Variants in VCL observed in about 807,000 individuals in gnomAD.
VCL encodes the protein vinculin.
In VCL, 47 loss-of-function variants were observed where a neutral mutation model predicts 125.7. The ratio of observed to expected loss-of-function variants is 0.37; its 90% CI spans 0.30 to 0.48. VCL has a LOEUF of 0.48. Ranked by LOEUF, VCL falls within the 20% of genes least tolerant of loss-of-function variation. The pLI is 0.99. For synonymous variants in VCL, 458 were observed against 514.6 expected, an observed-to-expected ratio of 0.89 and a Z score of 1.49; for missense variants, 1,069 against 1,455.5, an observed-to-expected ratio of 0.73 and a Z score of 4.32.
Position 74,106,520 on chromosome 10 carries a change from G to A in VCL, c.2435-710G>A, listed in dbSNP as rs185312749. ...ACCATGGCAGATCATAATTGGAGCCGCTCCTTTGGTTGAAATCATCTGAAT... is the reference window on the plus strand; with the variant it reads ...ACCATGGCAGATCATAATTGGAGCCACTCCTTTGGTTGAAATCATCTGAAT... On this transcript the variant is annotated intron_variant, in intron 16 of 21. Transcript: ENST00000211998. 7.9e-5 allele frequency among the ~76,000 whole-genome samples: 12 copies of A among 152,258 alleles called. No homozygotes were observed. The South Asian group carries it at 1.2e-3, about 16-fold the overall frequency.
chr10:74,019,981 T>C (rs2136232850), intron 1 of VCL, among the ~76,000 whole-genome samples: 1 of 151,926 alleles, frequency 6.6e-6, no homozygotes, highest in Non-Finnish European at 1.5e-5. Context: ...GAGAATTGCT[T>C]GAACCCAGGA....
intron 5 of VCL, 82 bp downstream of exon 5, chr10:74,072,934 T>C (rs1184686580): frequency 1.0e-5 from 16 of 1,587,952 alleles, no homozygotes; most frequent in Non-Finnish European, 1.4e-5. Flanking sequence ...TGTTTTCTTT[T>C]GTTTTCTTTT....
chr10:74,020,994 C>T (rs1840654106), intron 1 of VCL, among the ~76,000 whole-genome samples: 1 of 152,040 alleles, frequency 6.6e-6, no homozygotes, highest in South Asian at 2.1e-4. Context: ...CTTTTTCTGA[C>T]CATAGTTTGT....
At chr10:74,117,929 G>T in intron 21 of VCL, 94 bp from the exon 22 acceptor site, 2 of 1,552,356 alleles carry the variant, frequency 1.3e-6, no homozygotes, top group Admixed American at 1.7e-5. Flanking sequence ...GGTACCAGTG[G>T]GGTTAGCTGC....
chr10:74,059,092 C>T, intron 2 of VCL, among the ~76,000 whole-genome samples: 1 of 152,152 alleles, frequency 6.6e-6, no homozygotes, highest in South Asian at 2.1e-4. Context: ...TCCTCCAGGC[C>T]AGGCACGGTG....
intron 1 of VCL, among the ~76,000 whole-genome samples, chr10:74,037,010 G>A (rs980320732): frequency 9.3e-5 from 14 of 151,044 alleles, no homozygotes; most frequent in African/African-American, 2.2e-4. Flanking sequence ...TCCCGGGTTC[G>A]CGCCATTCTC....
intron 6 of VCL, chr10:74,077,784 G>T (rs754367903): frequency 2.2e-6 from 1 of 452,472 alleles, no homozygotes; most frequent in South Asian, 1.6e-5. Context: ...AGTGCGTCTT[G>T]CCGAATAAGT....
chr10:74,094,288 C>T lies in VCL; in HGVS notation c.1370C>T (p.Pro457Leu). The change falls in exon 11 of 22, where the codon CCA becomes CTA. Residue 457 changes from proline to leucine, a missense_variant. Around this residue, in one of 6 missense-constraint regions of VCL, gnomAD observed 760 missense variants for 928.9 expected, o/e 0.82. Transcript: ENST00000211998. ...DLRRQGKGDS[P>L]EARALAKQVA... ...CTCTGTAGGGGGAAAGGAGATTCTC[C>T]AGAGGCTCGAGCCTTGGCCAAACAG... is the stretch of plus-strand genomic sequence containing the variant. The T allele has an allele frequency of 2.5e-6, 4 of 1,614,106 alleles. No individual in the cohort carries two copies. Among genetic ancestry groups the T allele is most frequent in the South Asian group, 1.1e-5 (1 of 91,072 alleles).
rs11000858 is a variant in VCL at position 74,039,061 on chromosome 10, G to A, written c.169-4022G>A. 3.6e-3 allele frequency among the ~76,000 whole-genome samples: 554 copies of A among 152,134 alleles called. 6 individuals are homozygous for A. The highest frequency in any genetic ancestry group is 0.012 in the African/African-American group (516 of 41,508). ...GGAGTAGCTGGGATTATAGGCATCC[G>A]CCACCACGCCCAGCTAATTTTTGTA... On this transcript the variant is annotated intron_variant, in intron 1 of 21. Coordinates refer to ENST00000211998, the MANE Select transcript of VCL (RefSeq NM_014000.3).
chr10:74,001,105 C>A (rs1840216345), intron 1 of VCL, among the ~76,000 whole-genome samples: 1 of 152,054 alleles, frequency 6.6e-6, no homozygotes. Context: ...AAAGGATGAA[C>A]AAAGAGAGCA....
intron 2 of VCL, among the ~76,000 whole-genome samples, chr10:74,045,547 C>T (rs1336783280): frequency 6.8e-6 from 1 of 147,884 alleles, no homozygotes; most frequent in Non-Finnish European, 1.5e-5. Context: ...CACTTGAATC[C>T]GGGTGGCGGA....
chr10:74,018,199 TATAAATAC>T (rs1358296255), intron 1 of VCL, among the ~76,000 whole-genome samples: 6 of 141,406 alleles, frequency 4.2e-5, no homozygotes, highest in African/African-American at 7.7e-5. Flanking sequence ...TATATATATA[TATAAATAC>T]ATATATATAT....
At position 74,083,488 on chromosome 10, in the gene VCL, G is replaced by A. The variant is rs778677392; in HGVS notation, c.997G>A (p.Asp333Asn). Residue 333 changes from aspartate (D) to asparagine (N), a missense_variant, in exon 8 of 22, where the codon GAT (aspartate) becomes AAT (asparagine). This residue lies in a region of VCL where 760 missense variants were observed against 928.9 expected (regional missense o/e 0.82). Transcript: ENST00000211998. ...TTGCAAAATGCTAGGGCAGATGACT[G>A]ATCAAGTGGCTGACCTCCGTGCCAG... ...GTCKMLGQMT[D>N]QVADLRARGQ... 1 of 1,613,942 alleles carries A rather than the reference G, an allele frequency of 6.2e-7. No homozygotes were observed. Among genetic ancestry groups the A allele is most frequent in the African/African-American group, 1.3e-5 (1 of 74,928 alleles).
intron 1 of VCL, among the ~76,000 whole-genome samples, chr10:74,036,814 A>C (rs1291702407): frequency 6.6e-6 from 1 of 152,130 alleles, no homozygotes; most frequent in African/African-American, 2.4e-5. Flanking sequence ...ACCTCGAAGA[A>C]TAACATTTTC....
At chr10:74,102,252 A>C (rs1840070910) in intron 14 of VCL, among the ~76,000 whole-genome samples, 1 of 148,314 alleles carries the variant, frequency 6.7e-6, no homozygotes, top group Non-Finnish European at 1.5e-5. Flanking sequence ...TTTTTTTTTA[A>C]ATTGATCTGT....
intron 1 of VCL, among the ~76,000 whole-genome samples, chr10:74,002,797 G>A (rs1379048646): frequency 2.0e-5 from 3 of 150,438 alleles, no homozygotes; most frequent in African/African-American, 7.4e-5. Context: ...CGGGAGAATC[G>A]CTTGAATCCG....
intron 14 of VCL, among the ~76,000 whole-genome samples, chr10:74,102,941 A>G (rs916336465): frequency 4.9e-4 from 74 of 151,334 alleles, no homozygotes; most frequent in African/African-American, 1.7e-3. Flanking sequence ...ATCTTGGCTC[A>G]CTGCAACCTC....
At chr10:74,096,827 C>T (rs908658055) in intron 12 of VCL, among the ~76,000 whole-genome samples, 2 of 152,206 alleles carry the variant, frequency 1.3e-5, no homozygotes, top group Admixed American at 6.5e-5. Context: ...TTACTGTGAT[C>T]GTTATCAGGC....
In VCL at chr10:74,111,947, A is replaced by C. The variant is rs752985431; in HGVS notation, c.2784A>C (p.Val928=). ...CCGCTGAGGTGGGTATAGGTGTTGT[A>C]GCTGAGGCAGATGCGGCCGATGCTG... is the stretch of plus-strand genomic sequence containing the variant. ...IPAAEVGIGV[V]AEADAADAAG... Residue 928 remains valine, a synonymous_variant, in exon 19 of 22, where the codon GTA becomes GTC. Transcript: ENST00000211998. The C allele has an allele frequency of 6.2e-7, 1 of 1,614,230 alleles. No individual in the cohort carries two copies. Among genetic ancestry groups the C allele is most frequent in the South Asian group, 1.1e-5 (1 of 91,088 alleles).
Sources: gnomAD v4.1 joint callset for allele counts (sites outside exome capture counted in the v4.1 genomes callset) on GRCh38, gnomAD v4.1.1 for gene constraint, gnomAD v4.1.1 regional missense constraint, MANE v1.5 for transcripts, NCBI Gene and HGNC (gene_info 2026-07-23, HGNC 2026-07-21) for gene names.